Variants in ESRRB observed in about 807,000 individuals in gnomAD.
The protein encoded by ESRRB is steroid hormone receptor ERR2.
A neutral mutation model predicts 46.0 loss-of-function variants in ESRRB; 16 were observed. The ratio of observed to expected loss-of-function variants is 0.35; its 90% confidence interval spans 0.24 to 0.53. The LOEUF (loss-of-function observed/expected upper bound fraction) is 0.53. Ranked by LOEUF, ESRRB falls within the 20% of genes least tolerant of loss-of-function variation. The probability of loss-of-function intolerance (pLI) is 0.93; values close to 1 mark genes in which losing one functional copy is unlikely to be tolerated. For missense variants in ESRRB, 488 were observed against 607.4 expected (o/e 0.80, Z 2.07); for synonymous variants, 246 against 259.6 (o/e 0.95, Z 0.50).
At position 76,358,324 on chromosome 14, in the gene ESRRB, AAAGAAAGAAAGAAAGAAAGAAAG is replaced by A. The variant is rs1566859592; in HGVS notation, c.2+47411_2+47433del. ...AAGACTCTGTCTCAAAAAAAAAAAA[AAAGAAAGAAAGAAAGAAAGAAAG>A]AAAGAAAGAAAGAAAGAAAGAAAGA... On this transcript the variant is annotated intron_variant, in intron 1 of 6. Coordinates refer to the ESRRB transcript ENST00000512784. 2.0e-3 allele frequency among the ~76,000 whole-genome samples: 15 copies of A among 7,620 alleles called. 2 individuals are homozygous for A. Among genetic ancestry groups the A allele is most frequent in the East Asian group, 5.0e-3 (1 of 202 alleles). 5.0% of individuals were successfully genotyped at this position (7,620 alleles called of 152,430 possible). A position where few individuals can be genotyped will look rare whatever the true frequency, so the allele number is the denominator to read the frequency against.
At chr14:76,337,439 G>T (rs1448864874) in intron 1 of ESRRB, among the ~76,000 whole-genome samples, 1 of 152,136 alleles carries the variant, frequency 6.6e-6, no homozygotes, top group African/African-American at 2.4e-5. Context: ...CAGATCAAGG[G>T]AATTTCAGAA....
At chr14:76,451,142 G>A (rs2139961832) in intron 2 of ESRRB, among the ~76,000 whole-genome samples, 1 of 152,292 alleles carries the variant, frequency 6.6e-6, no homozygotes, top group East Asian at 1.9e-4. Flanking sequence ...AGAGAGGAGG[G>A]GGCTCAGTGG....
chr14:76,416,911 A>C (rs1039729741), intron 1 of ESRRB, among the ~76,000 whole-genome samples: 2 of 152,232 alleles, frequency 1.3e-5, no homozygotes, highest in Non-Finnish European at 2.9e-5. Flanking sequence ...AGAAGCAATA[A>C]AACAAATAAT....
intron 3 of ESRRB, among the ~76,000 whole-genome samples, chr14:76,463,680 C>T (rs1356229775): frequency 6.6e-6 from 1 of 151,930 alleles, no homozygotes; most frequent in African/African-American, 2.4e-5. Flanking sequence ...ATTTCCTGAC[C>T]TCGTGATCTG....
chr14:76,311,910 G>A (rs1273389054), intron 1 of ESRRB, among the ~76,000 whole-genome samples: 1 of 145,170 alleles, frequency 6.9e-6, no homozygotes, highest in African/African-American at 2.6e-5. Flanking sequence ...GTATTCACCC[G>A]AAATCCTGTA....
At chr14:76,424,377 T>G (rs1052567531) in intron 1 of ESRRB, among the ~76,000 whole-genome samples, 1 of 152,184 alleles carries the variant, frequency 6.6e-6, no homozygotes, top group Admixed American at 6.5e-5. Flanking sequence ...CCTATGTGGG[T>G]TCTGCTCCTG....
At chr14:76,355,941 C>T (rs183678599) in intron 1 of ESRRB, among the ~76,000 whole-genome samples, 12 of 152,288 alleles carry the variant, frequency 7.9e-5, no homozygotes, top group Non-Finnish European at 1.8e-4. Flanking sequence ...GACCCTCTTC[C>T]GCAATCTCTT....
intron 1 of ESRRB, among the ~76,000 whole-genome samples, chr14:76,363,327 C>T (rs1390568200): frequency 6.6e-6 from 1 of 152,194 alleles, no homozygotes; most frequent in African/African-American, 2.4e-5. Flanking sequence ...GTGCACCTAG[C>T]TGGCTTCAGA....
intron 1 of ESRRB, among the ~76,000 whole-genome samples, chr14:76,321,396 TA>T (rs1344370975): frequency 6.6e-6 from 1 of 152,236 alleles, no homozygotes; most frequent in Non-Finnish European, 1.5e-5. Flanking sequence ...GTATTTTCTT[TA>T]ACCAGCAGTT....
In ESRRB at chr14:76,439,642, G is replaced by A; in HGVS notation, c.352G>A (p.Ala118Thr). ...CATCAAGTGCGAGTACATGCTCAAC[G>A]CCATCCCCAAGCGCCTGTGCCTCGT... ...SAIKCEYMLN[A>T]IPKRLCLVCG... Residue 118 changes from alanine to threonine, a missense_variant, in exon 2 of 7, where the codon GCC (alanine) becomes ACC (threonine). By Grantham distance (58) the Ala-to-Thr change is moderately conservative. Coordinates refer to ENST00000644823, the MANE Select transcript of ESRRB (RefSeq NM_001379180.1). 6.2e-7 allele frequency: 1 copy of A among 1,614,210 alleles called. No homozygotes were observed.
intron 1 of ESRRB, among the ~76,000 whole-genome samples, chr14:76,348,475 G>A (rs1884275345): frequency 6.6e-6 from 1 of 152,144 alleles, no homozygotes; most frequent in African/African-American, 2.4e-5. Flanking sequence ...CAATTTTTCT[G>A]GGCTGTCCTC....
intron 1 of ESRRB, among the ~76,000 whole-genome samples, chr14:76,326,915 G>A (rs1883936643): frequency 6.6e-6 from 1 of 152,248 alleles, no homozygotes; most frequent in Non-Finnish European, 1.5e-5. Flanking sequence ...GCCACCATCT[G>A]CTAGAGCAGC....
At chr14:76,457,947 T>C (rs549903032) in intron 2 of ESRRB, among the ~76,000 whole-genome samples, 12 of 152,292 alleles carry the variant, frequency 7.9e-5, no homozygotes, top group African/African-American at 2.9e-4. Flanking sequence ...AGTGATGGGA[T>C]TAGAAGTGTG....
intron 1 of ESRRB, among the ~76,000 whole-genome samples, chr14:76,338,272 G>T (rs943071819): frequency 3.3e-5 from 5 of 152,168 alleles, no homozygotes; most frequent in African/African-American, 1.2e-4. Flanking sequence ...CCTGGCCCTG[G>T]CTCCAGCCCG....
At chr14:76,443,599 CTT>C (rs1888009374) in intron 2 of ESRRB, among the ~76,000 whole-genome samples, 1 of 152,186 alleles carries the variant, frequency 6.6e-6, no homozygotes, top group African/African-American at 2.4e-5. Context: ...ATTTTAGACT[CTT>C]TGAGGTCAGT....
At chr14:76,368,666 C>G (rs1884555149), upstream of ESRRB, among the ~76,000 whole-genome samples, 2 of 152,108 alleles carry the variant, frequency 1.3e-5, no homozygotes, top group African/African-American at 4.8e-5. Context: ...AAAGGCAAAC[C>G]CTCCCAAGTC....
At chr14:76,496,413 G>T (rs566036169) in intron 6 of ESRRB, among the ~76,000 whole-genome samples, 68 of 152,322 alleles carry the variant, frequency 4.5e-4, no homozygotes, top group African/African-American at 1.6e-3. Context: ...GGAAGAGGGA[G>T]TGTAAACTTC....
chr14:76,448,404 C>T (rs1325132798), intron 2 of ESRRB, among the ~76,000 whole-genome samples: 4 of 151,072 alleles, frequency 2.6e-5, no homozygotes, highest in Non-Finnish European at 1.5e-5. Context: ...TCTCGGCTCA[C>T]TGCAACCTCC....
chr14:76,376,582 G>A lies in ESRRB; in HGVS notation c.50+131G>A. ...GACTTCGGGGGGGCACTTGGGGGACGAAGGAGGGGAAAAGCCGCACACTTC... is the reference window on the plus strand; with the variant it reads ...GACTTCGGGGGGGCACTTGGGGGACAAAGGAGGGGAAAAGCCGCACACTTC... On this transcript the variant is annotated intron_variant, in intron 1 of 6. Transcript: ENST00000644823. This position sits in a 1 kb window ranked among gnomAD's most constrained non-coding sequence, Gnocchi z 4.1. 2 of 571,332 alleles carry A rather than the reference G, an allele frequency of 3.5e-6. No homozygotes were observed. Among genetic ancestry groups the A allele is most frequent in the Non-Finnish European group, 5.2e-6 (2 of 384,680 alleles). The allele number at this position is 571,332 out of a possible 1,614,324, so 35.4% of individuals were successfully genotyped here.
Sources: gnomAD v4.1 joint callset for allele counts (sites outside exome capture counted in the v4.1 genomes callset) on GRCh38, gnomAD v4.1.1 for gene constraint, Gnocchi (gnomAD v3.1) non-coding constraint, MANE v1.5 for transcripts, NCBI Gene and HGNC (gene_info 2026-07-23, HGNC 2026-07-21) for gene names.